The following TCF7 variants were observed in gnomAD, a reference collection of about 807,000 sequenced individuals.
The protein encoded by TCF7 is T-cell-factor-7.
TCF7 carries 19 observed loss-of-function variants against 46.8 expected under a neutral mutation model. The observed-to-expected ratio is 0.41, with a 90% CI of 0.28 to 0.60. TCF7 has a LOEUF of 0.60. Among genes scored for constraint, TCF7 ranks in the 20% least tolerant of loss-of-function variants. TCF7 has a pLI of 0.35. For missense variants in TCF7, 547 were observed against 504.6 expected (o/e 1.08, Z -0.81); for synonymous variants, 245 against 213.4 (o/e 1.15, Z -1.29).
chr5:134,120,043 C>T (rs558955286), intron 3 of TCF7, among the ~76,000 whole-genome samples: 1 of 152,282 alleles, frequency 6.6e-6, no homozygotes, highest in East Asian at 1.9e-4. Context: ...GCGAGAGGAG[C>T]GCTGTCACTG....
rs770905151 is a variant in TCF7 at position 134,143,115 on chromosome 5, A to T, written c.1026+15A>T. 10 of 1,592,184 alleles carry T rather than the reference A, an allele frequency of 6.3e-6. No individual in the cohort carries two copies. The highest frequency in any genetic ancestry group is 1.8e-4 in the Middle Eastern group (1 of 5,422). ...GGGACAACTACGTGAGTGCCTAGTG[A>T]CACACAGCAGGGGTGGGCAGGGGAC... On this transcript the variant is annotated intron_variant, in intron 8 of 9. Coordinates refer to ENST00000342854, the MANE Select transcript of TCF7 (RefSeq NM_003202.5).
chr5:134,108,739 G>A, the TCF7 span, among the ~76,000 whole-genome samples: 2 of 152,124 alleles, frequency 1.3e-5, no homozygotes, highest in Non-Finnish European at 2.9e-5. Context: ...TGCAGGAACT[G>A]AGACATGAAA....
At chr5:134,136,744 G>A (rs1430186415) in intron 3 of TCF7, among the ~76,000 whole-genome samples, 3 of 152,172 alleles carry the variant, frequency 2.0e-5, no homozygotes, top group African/African-American at 7.2e-5. Flanking sequence ...TTCACTACTA[G>A]GAGAGATGCC....
At chr5:134,132,702 T>C (rs939658319) in intron 3 of TCF7, among the ~76,000 whole-genome samples, 7 of 143,166 alleles carry the variant, frequency 4.9e-5, no homozygotes, top group Non-Finnish European at 9.1e-5. Context: ...AAATGCCGAC[T>C]GTGTTTATTT....
intron 3 of TCF7, among the ~76,000 whole-genome samples, chr5:134,137,172 C>G (rs1240844180): frequency 1.3e-5 from 2 of 152,158 alleles, no homozygotes. Context: ...GCCTGTAATC[C>G]CAGCACTCTG....
chr5:134,140,566 CCTG>C, intron 5 of TCF7: 1 of 338,506 alleles, frequency 3.0e-6, no homozygotes, highest in East Asian at 9.5e-5. Context: ...GGCCCAGGGG[CCTG>C]CTAAGCTGGG....
intron 3 of TCF7, among the ~76,000 whole-genome samples, chr5:134,128,275 G>C (rs1031437134): frequency 1.3e-5 from 2 of 152,142 alleles, no homozygotes; most frequent in African/African-American, 2.4e-5. Flanking sequence ...GGGCAGTTTT[G>C]TGTGACCCTC....
intron 6 of TCF7, 23 bp downstream of exon 6, chr5:134,142,327 C>T (rs1457959905): frequency 3.8e-6 from 6 of 1,560,444 alleles, no homozygotes; most frequent in Non-Finnish European, 5.2e-6. Context: ...ACAATGATGG[C>T]AGGGGGTGTG....
chr5:134,137,437 AAAAAAAAAAAC>A (rs1759048482), intron 3 of TCF7, among the ~76,000 whole-genome samples: 1 of 151,234 alleles, frequency 6.6e-6, no homozygotes, highest in Non-Finnish European at 1.5e-5. Context: ...AAAAAAAAAA[AAAAAAAAAAAC>A]AGAGAAAAAA....
chr5:134,109,342 C>G, the TCF7 span, among the ~76,000 whole-genome samples: 3 of 152,150 alleles, frequency 2.0e-5, no homozygotes, highest in Non-Finnish European at 2.9e-5. Flanking sequence ...CAGGCGTATT[C>G]CTCTGTGAAG....
intron 3 of TCF7, among the ~76,000 whole-genome samples, chr5:134,118,617 A>T (rs542938144): frequency 6.6e-6 from 1 of 152,264 alleles, no homozygotes; most frequent in Non-Finnish European, 1.5e-5. Context: ...TCTTCCAAAA[A>T]GGTTCCTTCT....
At chr5:134,130,143 A>G (rs1459963661) in intron 3 of TCF7, among the ~76,000 whole-genome samples, 1 of 152,242 alleles carries the variant, frequency 6.6e-6, no homozygotes, top group East Asian at 1.9e-4. Context: ...GGGCGCCTCC[A>G]GCCTGGCTGG....
At chr5:134,139,099 C>T in intron 5 of TCF7, 61 bp downstream of exon 5, 2 of 1,585,232 alleles carry the variant, frequency 1.3e-6, no homozygotes, top group Admixed American at 3.5e-5. Context: ...ACCTGCCTGC[C>T]CTTCCATTTC....
chr5:134,108,575 G>A, the TCF7 span, among the ~76,000 whole-genome samples: 1 of 152,182 alleles, frequency 6.6e-6, no homozygotes, highest in Non-Finnish European at 1.5e-5. Flanking sequence ...TTTCCTCGGG[G>A]CACTGAGCCA....
chr5:134,127,651 C>T (rs1757517080), intron 3 of TCF7, among the ~76,000 whole-genome samples: 1 of 152,226 alleles, frequency 6.6e-6, no homozygotes, highest in Non-Finnish European at 1.5e-5. Context: ...GTGGGAAAGC[C>T]GCTTAGGAAC....
At chr5:134,117,209 T>C (rs1755949916) in intron 3 of TCF7, among the ~76,000 whole-genome samples, 1 of 152,234 alleles carries the variant, frequency 6.6e-6, no homozygotes, top group African/African-American at 2.4e-5. Context: ...TATCCGACTT[T>C]CTGCTCTGGG....
chr5:134,113,317 A>AG (rs1179409875), upstream of TCF7, among the ~76,000 whole-genome samples: 1 of 151,856 alleles, frequency 6.6e-6, no homozygotes, highest in African/African-American at 2.4e-5. Context: ...GTGGCGGGGG[A>AG]GGGGGGTGTG....
chr5:134,140,086 G>A (rs1341525080), intron 5 of TCF7, among the ~76,000 whole-genome samples: 13 of 152,226 alleles, frequency 8.5e-5, no homozygotes, highest in African/African-American at 2.9e-4. Flanking sequence ...AAGGCTGTAA[G>A]GAGGGGACTT....
At chr5:134,138,685 C>G in intron 4 of TCF7, 1 of 475,508 alleles carries the variant, frequency 2.1e-6, no homozygotes, top group South Asian at 3.1e-5. Context: ...GCCCCAATGC[C>G]TCCATGCCTG....
Sources: allele counts gnomAD v4.1 joint callset (sites outside exome capture counted in the v4.1 genomes callset), GRCh38; gene constraint gnomAD v4.1.1; transcripts MANE v1.5; gene names NCBI Gene and HGNC (gene_info 2026-07-23, HGNC 2026-07-21).